The following CYP19A1 variants were observed in gnomAD, a reference collection of about 807,000 sequenced individuals.
CYP19A1 encodes the protein cytochrome P450 family 19 subfamily A member 1.
CYP19A1 carries 32 observed loss-of-function variants against 44.4 expected under a neutral mutation model. The observed-to-expected ratio is 0.72, with a 90% CI of 0.54 to 0.97. CYP19A1 has a LOEUF of 0.97. Among genes scored for constraint, CYP19A1 ranks in the 50% least tolerant of loss-of-function variants. CYP19A1 has a pLI of 0.00. For missense variants in CYP19A1, 598 were observed against 637.8 expected (o/e 0.94, Z 0.67); for synonymous variants, 212 against 215.6 (o/e 0.98, Z 0.14).
chr15:51,304,971 C>G (rs939535167), intron 1 of CYP19A1, among the ~76,000 whole-genome samples: 2 of 137,792 alleles, frequency 1.5e-5, no homozygotes, highest in Non-Finnish European at 3.0e-5. Flanking sequence ...ACGATCTTGG[C>G]TTACTGGAAC....
intron 6 of CYP19A1, 198 bp downstream of exon 6, chr15:51,218,343 G>T (rs1038313836): frequency 2.7e-6 from 2 of 747,812 alleles, no homozygotes; most frequent in East Asian, 3.1e-5. Flanking sequence ...CCAGCCAAAG[G>T]CTTCATTTAC....
intron 1 of CYP19A1, among the ~76,000 whole-genome samples, chr15:51,291,406 GA>G: frequency 6.6e-6 from 1 of 152,226 alleles, no homozygotes; most frequent in East Asian, 1.9e-4. Flanking sequence ...CTAGAGAGGG[GA>G]AATGTTCATG....
Position 51,227,821 on chromosome 15 carries a change from T to G in CYP19A1, c.409A>C (p.Asn137His), listed in dbSNP as rs777577929. ...MHEKGIIFNN[N>H]PELWKTTRPF... is the part of the protein sequence containing the mutation. ...CGAGTTGTTTTCCAGAGCTCTGGAT[T>G]GTTGTTAAATATGATGCCTTTCTCA... Residue 137 changes from asparagine to histidine, a missense_variant, in exon 4 of 10, where the codon AAT becomes CAT. Physicochemically the swap from Asn to His is moderately conservative, Grantham distance 68. Transcript: ENST00000396402. 6.5e-7 allele frequency: 1 copy of G among 1,547,106 alleles called. No homozygotes were observed. Among genetic ancestry groups the G allele is most frequent in the East Asian group, 2.2e-5 (1 of 44,570 alleles).
rs765527904 is a variant in CYP19A1, at chr15:51,313,544, C to T, written c.-39+24951G>A. ...AGGCACAGTGGCTCATGCCTGTAAT[C>T]CCAGCACTTTGGGAGGCTGAGGTGG... On this transcript the variant is annotated intron_variant, in intron 1 of 9. Transcript: ENST00000396402. Among the ~76,000 whole-genome samples, 71 of 152,304 alleles carry T rather than the reference C, an allele frequency of 4.7e-4. 2 individuals are homozygous for T. Among genetic ancestry groups the T allele is most frequent in the Admixed American group, 1.6e-3 (24 of 15,298 alleles).
intron 1 of CYP19A1, among the ~76,000 whole-genome samples, chr15:51,276,044 T>A (rs1452423207): frequency 6.6e-6 from 1 of 152,204 alleles, no homozygotes; most frequent in Non-Finnish European, 1.5e-5. Flanking sequence ...ATTAAAACTA[T>A]CCTTTTTCCT....
chr15:51,294,443 C>T (rs1425973844), intron 1 of CYP19A1, among the ~76,000 whole-genome samples: 1 of 148,450 alleles, frequency 6.7e-6, no homozygotes, highest in Non-Finnish European at 1.5e-5. Flanking sequence ...CTGGCAACCG[C>T]CCCGTCTGAG....
rs1330988767 is a variant in CYP19A1, at chr15:51,294,561, C to T, written c.-39+43934G>A. On this transcript the variant is annotated intron_variant, in intron 1 of 9. Coordinates refer to ENST00000396402, the MANE Select transcript of CYP19A1 (RefSeq NM_000103.4). ...GTGAGGAGCGTCTCCGCCCGGCAGC[C>T]GCCCCGTCCGGGAGGGAGGTGGGGG... Among the ~76,000 whole-genome samples, 7 of 148,648 alleles carry T rather than the reference C, an allele frequency of 4.7e-5. No individual in the cohort carries two copies. The East Asian group carries it at 1.0e-3, about 21-fold the overall frequency.
intron 8 of CYP19A1, 183 bp downstream of exon 8, chr15:51,214,887 A>T: frequency 1.0e-6 from 1 of 968,198 alleles, no homozygotes; most frequent in Non-Finnish European, 1.5e-6. Context: ...TATGATTAAG[A>T]ACACAGAAAG....
chr15:51,281,410 C>A (rs1302508993), intron 1 of CYP19A1, among the ~76,000 whole-genome samples: 2 of 152,190 alleles, frequency 1.3e-5, no homozygotes, highest in East Asian at 3.8e-4. Flanking sequence ...TTTTTCCAAG[C>A]CCTTTCAGGG....
At chr15:51,320,484 T>G (rs1264790510) in intron 1 of CYP19A1, 4 of 152,208 alleles carry the variant, frequency 2.6e-5, no homozygotes, top group African/African-American at 9.7e-5. Flanking sequence ...AAACAGCACA[T>G]GGTTAGGTGC....
At chr15:51,281,494 A>G (rs962724884) in intron 1 of CYP19A1, among the ~76,000 whole-genome samples, 2 of 152,194 alleles carry the variant, frequency 1.3e-5, no homozygotes, top group African/African-American at 4.8e-5. Context: ...TGCCTGGAGA[A>G]GTCACATCCA....
chr15:51,242,807 G>T lies in CYP19A1; in HGVS notation c.106C>A (p.Leu36Ile). Reference sequence around the variant, plus strand: ...GTGCCCTCATAATTCCACACCAAGAGAAAAAGGCCAGTGAGGAGCAGGACT... The same window carrying T: ...GTGCCCTCATAATTCCACACCAAGATAAAAAGGCCAGTGAGGAGCAGGACT... Reference protein sequence around the residue: ...MPVLLLTGLFLLVWNYEGTSS... With the variant: ...MPVLLLTGLFILVWNYEGTSS... Residue 36 changes from leucine to isoleucine, a missense_variant, in exon 2 of 10, where the codon CTC becomes ATC. Physicochemically the swap from Leu to Ile is conservative, Grantham distance 5. Coordinates refer to ENST00000396402, the MANE Select transcript of CYP19A1 (RefSeq NM_000103.4). 1 of 1,587,868 alleles carries T rather than the reference G, an allele frequency of 6.3e-7. No homozygotes were observed. The highest frequency in any genetic ancestry group is 8.6e-7 in the Non-Finnish European group (1 of 1,156,118).
Position 51,215,751 on chromosome 15 carries a change from C to A in CYP19A1, c.810G>T (p.Glu270Asp). 1 of 1,614,038 alleles carries A rather than the reference C, an allele frequency of 6.2e-7. No homozygotes were observed. Among genetic ancestry groups the A allele is most frequent in the Non-Finnish European group, 8.5e-7 (1 of 1,179,978 alleles). The change falls in exon 7 of 10, where the codon GAG becomes GAT. Residue 270 changes from glutamate (E) to aspartate (D), a missense_variant. Transcript: ENST00000396402. ...CAAAGTCCATACATTCTTCCAGTTT[C>A]TCTTCTGTGGAAATCCTGCGTCTTT... ...AEKRRRISTE[E>D]KLEECMDFAT...
In CYP19A1 at chr15:51,297,868, A is replaced by ACACACACC. The variant is rs1173662173; in HGVS notation, c.-39+40626_-39+40627insGGTGTGTG. On this transcript the variant is annotated intron_variant, in intron 1 of 9. Transcript: ENST00000396402. ...CACACACACACACACACACACACAC[A>ACACACACC]CCCTAGGCCTGATGGGGGCCTAACA... is the stretch of plus-strand genomic sequence containing the variant. Among the ~76,000 whole-genome samples, 58 of 146,794 alleles carry ACACACACC rather than the reference A, an allele frequency of 4.0e-4. 1 individual carries two copies. The East Asian group carries it at 8.3e-3, about 21-fold the overall frequency.
chr15:51,298,984 A>T (rs1595768708), intron 1 of CYP19A1, among the ~76,000 whole-genome samples: 1 of 152,214 alleles, frequency 6.6e-6, no homozygotes, highest in African/African-American at 2.4e-5. Context: ...GGCTGGGACC[A>T]GGCACCCCAT....
At chr15:51,211,502 G>T (rs531583519) in intron 9 of CYP19A1, among the ~76,000 whole-genome samples, 1 of 152,318 alleles carries the variant, frequency 6.6e-6, no homozygotes, top group East Asian at 1.9e-4. Context: ...TAGTTATGCA[G>T]AAAATTAATG....
At chr15:51,247,357 G>A (rs1484333956) in intron 1 of CYP19A1, among the ~76,000 whole-genome samples, 1 of 152,114 alleles carries the variant, frequency 6.6e-6, no homozygotes, top group Non-Finnish European at 1.5e-5. Context: ...ACTGCCTAGT[G>A]AACTCCACTA....
intron 1 of CYP19A1, among the ~76,000 whole-genome samples, chr15:51,248,231 C>T (rs2034151531): frequency 6.6e-6 from 1 of 152,180 alleles, no homozygotes; most frequent in Non-Finnish European, 1.5e-5. Context: ...CTCAAAGGAC[C>T]AGGCATGATG....
At chr15:51,253,649 A>G (rs2034409693) in intron 1 of CYP19A1, among the ~76,000 whole-genome samples, 2 of 152,158 alleles carry the variant, frequency 1.3e-5, no homozygotes, top group South Asian at 2.1e-4. Context: ...CATCAAAATA[A>G]TTCATATCCA....
Sources: allele counts gnomAD v4.1 joint callset (sites outside exome capture counted in the v4.1 genomes callset), GRCh38; gene constraint gnomAD v4.1.1; transcripts MANE v1.5; gene names NCBI Gene and HGNC (gene_info 2026-07-23, HGNC 2026-07-21).